The following LIMK1 variants were observed in gnomAD, a reference collection of about 807,000 sequenced individuals.
The protein encoded by LIMK1 is LIM motif-containing protein kinase.
LIMK1 carries 21 observed loss-of-function variants against 77.6 expected under a neutral mutation model. The ratio of observed to expected loss-of-function variants is 0.27; its 90% CI spans 0.19 to 0.39. The LOEUF (loss-of-function observed/expected upper bound fraction) is 0.39. Ranked by LOEUF, LIMK1 falls within the 10% of genes least tolerant of loss-of-function variation. The pLI is 1.00. For missense variants in LIMK1, 696 were observed against 901.6 expected (o/e 0.77, Z 2.92); for synonymous variants, 358 against 370.0 (o/e 0.97, Z 0.37).
rs1248144384 is a variant in LIMK1, at chr7:74,121,587, T to A, written c.*286T>A. The A allele has an allele frequency of 4.6e-6, 2 of 431,152 alleles. No homozygotes were observed. The highest frequency in any genetic ancestry group is 7.9e-5 in the Admixed American group (2 of 25,202). The allele number at this position is 431,152 out of a possible 1,614,324, so 26.7% of individuals were successfully genotyped here. A position where few individuals can be genotyped will look rare whatever the true frequency, so the allele number is the denominator to read the frequency against. ...TTCTCCTTGCATGAGCTGGAGGGCC[T>A]GTGTGAGTTACGCCCCTTTCCACAC... is the stretch of plus-strand genomic sequence containing the variant. On this transcript the variant is annotated 3_prime_UTR_variant, in exon 16 of 16. Transcript: ENST00000336180.
intron 1 of LIMK1, 82 bp downstream of exon 1, chr7:74,084,127 C>G (rs1000414401): frequency 4.1e-6 from 3 of 727,274 alleles, no homozygotes; most frequent in Non-Finnish European, 6.4e-6. Context: ...GCCGGGTCTG[C>G]CAGGAGGCCG....
At chr7:74,107,345 T>A in intron 8 of LIMK1, 152 bp downstream of exon 8, 1 of 807,522 alleles carries the variant, frequency 1.2e-6, no homozygotes, top group Non-Finnish European at 1.9e-6. Flanking sequence ...TGGAGCTAAT[T>A]AGGAACAGGG....
At position 74,093,233 on chromosome 7, in the gene LIMK1, C is replaced by T. The variant is rs1306667258; in HGVS notation, c.153-3389C>T. 2.6e-6 allele frequency: 4 copies of T among 1,535,624 alleles called. No individual in the cohort carries two copies. The East Asian group carries it at 9.8e-5, about 38-fold the overall frequency. On this transcript the variant is annotated intron_variant, in intron 2 of 15. Transcript: ENST00000336180. ...CCCTCCCTTAGACCTCCAGAGCCCCCAGTGTAGCCACAGAGGATGCTGTTG... is the reference window on the plus strand; with the variant it reads ...CCCTCCCTTAGACCTCCAGAGCCCCTAGTGTAGCCACAGAGGATGCTGTTG...
chr7:74,088,821 A>G (rs1485396069), intron 2 of LIMK1, among the ~76,000 whole-genome samples: 1 of 151,430 alleles, frequency 6.6e-6, no homozygotes, highest in African/African-American at 2.4e-5. Flanking sequence ...AAAAAAAAAA[A>G]ATAGAAGGGA....
chr7:74,091,954 C>CGT (rs1799245151), intron 2 of LIMK1, among the ~76,000 whole-genome samples: 11 of 80,624 alleles, frequency 1.4e-4, no homozygotes, highest in Non-Finnish European at 1.3e-4. Flanking sequence ...GGCTGTACAG[C>CGT]TTTTTTTTTT....
intron 2 of LIMK1, among the ~76,000 whole-genome samples, chr7:74,095,968 C>CTTTTTTTTT (rs869065672): frequency 3.1e-5 from 4 of 127,230 alleles, no homozygotes; most frequent in African/African-American, 6.6e-5. Flanking sequence ...TTTTCTTTTT[C>CTTTTTTTTT]TTTTTTTTTT....
At chr7:74,098,722 T>C (rs1304519831) in intron 4 of LIMK1, among the ~76,000 whole-genome samples, 2 of 69,808 alleles carry the variant, frequency 2.9e-5, no homozygotes, top group Non-Finnish European at 8.0e-5. Flanking sequence ...TGCGTGCCCG[T>C]AATCCCAGCT....
intron 13 of LIMK1, among the ~76,000 whole-genome samples, chr7:74,116,271 A>C (rs1483554498): frequency 7.2e-4 from 4 of 5,584 alleles, no homozygotes; most frequent in African/African-American, 8.7e-4. Flanking sequence ...TGGTGGGTGT[A>C]ATCCCAGTAC....
intron 13 of LIMK1, among the ~76,000 whole-genome samples, chr7:74,117,527 CT>C (rs1191681068): frequency 6.6e-6 from 1 of 152,086 alleles, no homozygotes; most frequent in Non-Finnish European, 1.5e-5. Flanking sequence ...CATTTCTTTG[CT>C]GTCAATGGTC....
At position 74,111,618 on chromosome 7, in the gene LIMK1, C is replaced by T. The variant is rs1554698638; in HGVS notation, c.1285-30C>T. 4 of 1,601,934 alleles carry T rather than the reference C, an allele frequency of 2.5e-6. 1 individual carries two copies. In the South Asian group the frequency reaches 4.5e-5, roughly 18 times the overall value. ...CCCTGCCATCGGGGCCCCCACCGGC[C>T]CCACCCTGGCCATTCTTTCTCCATC... On this transcript the variant is annotated intron_variant, in intron 10 of 15. Coordinates refer to ENST00000336180, the MANE Select transcript of LIMK1 (RefSeq NM_002314.4).
At chr7:74,109,996 A>G (rs1279759665) in intron 10 of LIMK1, 1 of 152,034 alleles carries the variant, frequency 6.6e-6, no homozygotes, top group African/African-American at 2.4e-5. Flanking sequence ...TGTGGACCCT[A>G]TGGGCTCCTG....
At chr7:74,111,438 AAG>A in intron 10 of LIMK1, 6 of 563,100 alleles carry the variant, frequency 1.1e-5, no homozygotes, top group Non-Finnish European at 1.6e-5. Flanking sequence ...ACTCCATCTA[AAG>A]AAAAAAAAAA....
At chr7:74,108,338 C>CA (rs1308341804) in intron 9 of LIMK1, among the ~76,000 whole-genome samples, 5 of 147,334 alleles carry the variant, frequency 3.4e-5, no homozygotes, top group Non-Finnish European at 7.5e-5. Flanking sequence ...ACCCTGTGTC[C>CA]AAAAAAAATA....
At chr7:74,087,905 G>A (rs1324472969) in intron 2 of LIMK1, among the ~76,000 whole-genome samples, 4 of 151,316 alleles carry the variant, frequency 2.6e-5, no homozygotes, top group Admixed American at 2.6e-4. Flanking sequence ...TTGTTTTTTT[G>A]TTTCTTCTTT....
Position 74,104,118 on chromosome 7 carries a change from G to T in LIMK1, c.609-1757G>T, listed in dbSNP as rs781989901. 2.0e-4 allele frequency among the ~76,000 whole-genome samples: 31 copies of T among 152,024 alleles called. 1 individual carries two copies. The highest frequency in any genetic ancestry group is 4.6e-4 in the Admixed American group (7 of 15,246). On this transcript the variant is annotated intron_variant, in intron 5 of 15. Coordinates refer to ENST00000336180, the MANE Select transcript of LIMK1 (RefSeq NM_002314.4). ...AATTTTCTGTAAAAAATGTCATAGA[G>T]ATGGGGTCTTGCTATGCTGCCCAGG...
At chr7:74,115,715 C>T (rs1389212592) in intron 12 of LIMK1, 87 bp from the exon 13 acceptor site, 14 of 1,445,218 alleles carry the variant, frequency 9.7e-6, no homozygotes, top group South Asian at 3.8e-5. Context: ...GGGCTGTCTA[C>T]AGGTTGGCTT....
intron 2 of LIMK1, among the ~76,000 whole-genome samples, chr7:74,088,012 C>T (rs1195189249): frequency 2.0e-5 from 3 of 152,048 alleles, no homozygotes; most frequent in Admixed American, 6.6e-5. Context: ...CTGGTTCAAG[C>T]GATCCTTCTG....
At chr7:74,112,535 A>C (rs537418133) in intron 12 of LIMK1, among the ~76,000 whole-genome samples, 1 of 152,054 alleles carries the variant, frequency 6.6e-6, no homozygotes, top group African/African-American at 2.4e-5. Context: ...CCTGGCTAAC[A>C]TGGGCACTGT....
rs1799338709 is a variant in LIMK1 at position 74,096,485 on chromosome 7, G to A, written c.153-137G>A. ...CACTGCACTGCAGCCTGGCGACAGA[G>A]CAAGACTCCGTCTCAAAAAACAAAC... On this transcript the variant is annotated intron_variant, in intron 2 of 15. Transcript: ENST00000336180. 10 of 1,154,616 alleles carry A rather than the reference G, an allele frequency of 8.7e-6. No homozygotes were observed. In the Admixed American group the frequency reaches 9.1e-5, roughly 10 times the overall value. 71.5% of individuals were successfully genotyped at this position (1,154,616 alleles called of 1,614,324 possible). A position where few individuals can be genotyped will look rare whatever the true frequency, so the allele number is the denominator to read the frequency against.
Sources: gnomAD v4.1 joint callset for allele counts (sites outside exome capture counted in the v4.1 genomes callset) on GRCh38, gnomAD v4.1.1 for gene constraint, MANE v1.5 for transcripts, NCBI Gene and HGNC (gene_info 2026-07-23, HGNC 2026-07-21) for gene names.